Variants in WDR25 observed in about 807,000 individuals in gnomAD.
WDR25 encodes the protein WD repeat domain 25.
WDR25 carries 35 observed loss-of-function variants against 47.7 expected under a neutral mutation model. The observed-to-expected ratio is 0.73, with a 90% CI of 0.56 to 0.97. The LOEUF is 0.97. WDR25 is among the 50% of genes least tolerant of loss of function. WDR25 has a pLI of 0.00. For missense variants in WDR25, 634 were observed against 704.7 expected, an observed-to-expected ratio of 0.90 and a Z score of 1.14; for synonymous variants, 248 against 278.9, an observed-to-expected ratio of 0.89 and a Z score of 1.10.
intron 2 of WDR25, among the ~76,000 whole-genome samples, chr14:100,429,879 T>C (rs1378678040): frequency 6.6e-6 from 1 of 152,066 alleles, no homozygotes; most frequent in East Asian, 1.9e-4. Context: ...GTAAAGATAG[T>C]AATCCTGTTG....
intron 2 of WDR25, among the ~76,000 whole-genome samples, chr14:100,459,933 T>C (rs1467560438): frequency 0.039 from 3,464 of 88,124 alleles, 349 homozygotes; most frequent in African/African-American, 0.16. Context: ...TATATATATA[T>C]ATATATACAC....
chr14:100,431,616 T>C (rs1898338202), intron 2 of WDR25, among the ~76,000 whole-genome samples: 2 of 151,342 alleles, frequency 1.3e-5, no homozygotes, highest in Admixed American at 1.3e-4. Flanking sequence ...GGACGATCTC[T>C]GCTCACTGCA....
intron 2 of WDR25, among the ~76,000 whole-genome samples, chr14:100,393,683 G>GA (rs1172085954): frequency 6.6e-6 from 1 of 152,226 alleles, no homozygotes; most frequent in Non-Finnish European, 1.5e-5. Context: ...AGACTACTTG[G>GA]AAAGGGAGCG....
chr14:100,513,962 G>C (rs1901400027), intron 4 of WDR25, among the ~76,000 whole-genome samples: 1 of 148,526 alleles, frequency 6.7e-6, no homozygotes, highest in African/African-American at 2.5e-5. Context: ...TTGAGACAGA[G>C]TCTCGCTCTG....
intron 2 of WDR25, among the ~76,000 whole-genome samples, chr14:100,412,359 A>C (rs974419975): frequency 6.6e-6 from 1 of 152,182 alleles, no homozygotes; most frequent in East Asian, 1.9e-4. Context: ...CTCAGGAATC[A>C]TTGTTGCCCT....
intron 2 of WDR25, among the ~76,000 whole-genome samples, chr14:100,395,567 C>T (rs1313773078): frequency 6.6e-6 from 1 of 152,216 alleles, no homozygotes; most frequent in Non-Finnish European, 1.5e-5. Context: ...TGGGATTGTT[C>T]TAGTCACTTC....
chr14:100,410,281 T>C (rs568468992), intron 2 of WDR25, among the ~76,000 whole-genome samples: 2 of 151,796 alleles, frequency 1.3e-5, no homozygotes, highest in South Asian at 4.2e-4. Flanking sequence ...GAATCTGGAG[T>C]GAGGGTGTAT....
At chr14:100,452,846 C>T (rs1481021724) in intron 2 of WDR25, among the ~76,000 whole-genome samples, 1 of 151,808 alleles carries the variant, frequency 6.6e-6, no homozygotes, top group African/African-American at 2.4e-5. Context: ...TAAAATGTAC[C>T]ATCTTAGACA....
chr14:100,451,545 A>G (rs771258262), intron 2 of WDR25, among the ~76,000 whole-genome samples: 5 of 152,148 alleles, frequency 3.3e-5, no homozygotes, highest in Non-Finnish European at 5.9e-5. Context: ...GAGCTGTTAG[A>G]CTTATAGGAT....
At chr14:100,445,099 C>T (rs1284294857) in intron 2 of WDR25, among the ~76,000 whole-genome samples, 27 of 152,204 alleles carry the variant, frequency 1.8e-4, no homozygotes, top group Admixed American at 1.7e-3. Context: ...ATATCCCCAC[C>T]AGGCACCCTC....
intron 4 of WDR25, among the ~76,000 whole-genome samples, chr14:100,507,543 T>C (rs1901152366): frequency 6.6e-6 from 1 of 152,162 alleles, no homozygotes; most frequent in East Asian, 1.9e-4. Flanking sequence ...GAGCACGGAA[T>C]GGTTTTCTAT....
chr14:100,432,604 A>G (rs1898372289), intron 2 of WDR25, among the ~76,000 whole-genome samples: 1 of 152,254 alleles, frequency 6.6e-6, no homozygotes, highest in South Asian at 2.1e-4. Flanking sequence ...TTCCACATAT[A>G]TAAGCATGCA....
chr14:100,474,906 T>G (rs1179715611), intron 3 of WDR25, among the ~76,000 whole-genome samples: 2 of 152,208 alleles, frequency 1.3e-5, no homozygotes, highest in Non-Finnish European at 2.9e-5. Context: ...TGTGAGGGGC[T>G]AATATGGAAA....
Position 100,419,171 on chromosome 14 carries a change from G to A in WDR25, c.822+37425G>A, listed in dbSNP as rs144503160. ...CTGGAGGCGGAGATTGCAGTGAGCC[G>A]AGATCACGCCACTGCACTCCAGCCT... On this transcript the variant is annotated intron_variant, in intron 2 of 6. Coordinates refer to ENST00000402312, the MANE Select transcript of WDR25 (RefSeq NM_001161476.3). 5.4e-3 allele frequency among the ~76,000 whole-genome samples: 805 copies of A among 148,078 alleles called. 7 individuals are homozygous for A. Among genetic ancestry groups the A allele is most frequent in the African/African-American group, 0.019 (764 of 39,786 alleles).
intron 2 of WDR25, among the ~76,000 whole-genome samples, chr14:100,459,943 CATACACAT>C (rs1899345932): frequency 2.2e-5 from 2 of 91,886 alleles, no homozygotes; most frequent in East Asian, 2.6e-4. Context: ...TATATATACA[CATACACAT>C]ACACACACAT....
At chr14:100,386,668 C>T (rs1047570436) in intron 2 of WDR25, among the ~76,000 whole-genome samples, 39 of 151,846 alleles carry the variant, frequency 2.6e-4, no homozygotes, top group African/African-American at 8.5e-4. Flanking sequence ...CCGAGGCAGG[C>T]GGATCACGAG....
At chr14:100,477,827 C>T (rs1414141124) in intron 3 of WDR25, among the ~76,000 whole-genome samples, 1 of 152,198 alleles carries the variant, frequency 6.6e-6, no homozygotes. Flanking sequence ...CGCCGTGGCT[C>T]ACGCCTGAAA....
At chr14:100,435,195 C>G (rs1885702991) in intron 2 of WDR25, among the ~76,000 whole-genome samples, 1 of 152,206 alleles carries the variant, frequency 6.6e-6, no homozygotes, top group African/African-American at 2.4e-5. Flanking sequence ...AGGTTGAGGC[C>G]AGACTGTCTG....
At chr14:100,482,770 C>T (rs1047692472) in intron 3 of WDR25, among the ~76,000 whole-genome samples, 1 of 152,180 alleles carries the variant, frequency 6.6e-6, no homozygotes, top group African/African-American at 2.4e-5. Context: ...TCCTGGGTTC[C>T]CGTGAGTGGA....
Sources: allele counts gnomAD v4.1 joint callset (sites outside exome capture counted in the v4.1 genomes callset), GRCh38; gene constraint gnomAD v4.1.1; transcripts MANE v1.5; gene names NCBI Gene and HGNC (gene_info 2026-07-23, HGNC 2026-07-21).